Variants in LIPA observed in about 807,000 individuals in gnomAD.
LIPA encodes lipase A, lysosomal acid type.
In LIPA, 26 loss-of-function variants were observed where a neutral mutation model predicts 40.6. The observed-to-expected ratio is 0.64, with a 90% CI of 0.47 to 0.89. The LOEUF is 0.89. LIPA is among the 40% of genes least tolerant of loss of function. The pLI, the probability that LIPA is intolerant of heterozygous loss-of-function variation, is 0.00. For missense variants in LIPA, 455 were observed against 479.6 expected (o/e 0.95, Z 0.48); for synonymous variants, 188 against 168.4 (o/e 1.12, Z -0.90).
At chr10:89,403,101 A>C in intron 2 of LIPA, 1 of 1,614,220 alleles carries the variant, frequency 6.2e-7, no homozygotes. Flanking sequence ...GTTATTAAAA[A>C]AGGCCTTGCA....
At chr10:89,313,027 T>A (rs1026467772) in intron 1 of LIPA, among the ~76,000 whole-genome samples, 3 of 152,202 alleles carry the variant, frequency 2.0e-5, no homozygotes, top group African/African-American at 7.2e-5. Context: ...CACTTTTGTG[T>A]GTAGTCCAGC....
At chr10:89,400,744 G>A (rs1384262229) in intron 2 of LIPA, among the ~76,000 whole-genome samples, 1 of 152,172 alleles carries the variant, frequency 6.6e-6, no homozygotes, top group Admixed American at 6.5e-5. Flanking sequence ...CAACTTGGAT[G>A]TCTTGTATTT....
intron 1 of LIPA, among the ~76,000 whole-genome samples, chr10:89,334,558 C>T (rs12259713): frequency 0.068 from 7,805 of 114,046 alleles, 497 homozygotes; most frequent in African/African-American, 0.22. Flanking sequence ...TGTAGTGGCC[C>T]GATCTTGGCT....
intron 2 of LIPA, among the ~76,000 whole-genome samples, chr10:89,407,805 G>A (rs959021009): frequency 1.3e-5 from 2 of 152,120 alleles, no homozygotes; most frequent in Non-Finnish European, 2.9e-5. Context: ...TGTGGTCTAG[G>A]AGGACAGGCA....
intron 7 of LIPA, 104 bp downstream of exon 7, chr10:89,223,580 T>C (rs1015773249): frequency 1.0e-6 from 1 of 982,078 alleles, no homozygotes; most frequent in African/African-American, 1.6e-5. Context: ...AAAGACTCTT[T>C]AGAGTTCTGA....
rs372118641 is a variant in LIPA at position 89,335,932 on chromosome 10, C to T, written c.-2+6679G>A. On this transcript the variant is annotated intron_variant, in intron 1 of 5. Transcript: ENST00000282673. ...AAATAATTGCTAACTTGACTTTTGA[C>T]TTGTAGTCCTTCATACAGGGTAGTT... is the stretch of plus-strand genomic sequence containing the variant. 4.1e-4 allele frequency among the ~76,000 whole-genome samples: 63 copies of T among 152,214 alleles called. No homozygotes were observed. The East Asian group carries it at 6.8e-3, about 16-fold the overall frequency.
intron 1 of LIPA, among the ~76,000 whole-genome samples, chr10:89,257,042 A>C (rs1002986052): frequency 2.0e-5 from 3 of 152,250 alleles, no homozygotes; most frequent in Admixed American, 2.0e-4. Flanking sequence ...GGAAGTTTTT[A>C]AAGGCAAAAT....
Position 89,274,576 on chromosome 10 carries a change from T to C in LIPA, c.-1-26927A>G, listed in dbSNP as rs368511822. ...GATTTGATTAAAATATAAAGGATTT[T>C]TTTGGAAAATGCTTTTGACTGATGT... On this transcript the variant is annotated intron_variant, in intron 1 of 5. Coordinates refer to the LIPA transcript ENST00000282673. Among the ~76,000 whole-genome samples, 8 of 152,238 alleles carry C rather than the reference T, an allele frequency of 5.3e-5. 1 individual carries two copies. The East Asian group carries it at 1.5e-3, about 29-fold the overall frequency.
At chr10:89,234,477 A>T (rs964047477) in intron 3 of LIPA, among the ~76,000 whole-genome samples, 8 of 152,260 alleles carry the variant, frequency 5.3e-5, no homozygotes, top group African/African-American at 1.9e-4. Flanking sequence ...CAGCAAAGAA[A>T]ATAGTATCGA....
At chr10:89,399,864 A>ACT (rs200034872) in intron 2 of LIPA, among the ~76,000 whole-genome samples, 15 of 151,308 alleles carry the variant, frequency 9.9e-5, no homozygotes, top group Non-Finnish European at 1.9e-4. Context: ...ACCAAAGCTC[A>ACT]CTCTCTCTCT....
chr10:89,330,011 G>A (rs918226145), intron 1 of LIPA, among the ~76,000 whole-genome samples: 9 of 152,208 alleles, frequency 5.9e-5, no homozygotes, highest in African/African-American at 2.2e-4. Context: ...GCCAGGATGA[G>A]CCAGGAGAAG....
At chr10:89,263,892 C>CA (rs1336117283) in intron 1 of LIPA, among the ~76,000 whole-genome samples, 2 of 152,254 alleles carry the variant, frequency 1.3e-5, no homozygotes, top group Admixed American at 1.3e-4. Context: ...GTGGGGTGGG[C>CA]AGCTGCAGGC....
At chr10:89,334,837 C>T (rs1843711107) in intron 1 of LIPA, among the ~76,000 whole-genome samples, 1 of 152,024 alleles carries the variant, frequency 6.6e-6, no homozygotes, top group Non-Finnish European at 1.5e-5. Context: ...TCCCACCTGC[C>T]TGCTTGTATT....
chr10:89,337,022 T>G (rs1174154225), intron 1 of LIPA, among the ~76,000 whole-genome samples: 1 of 152,192 alleles, frequency 6.6e-6, no homozygotes, highest in Non-Finnish European at 1.5e-5. Context: ...ATGAGTCCAT[T>G]TTGTTTGTTT....
intron 1 of LIPA, among the ~76,000 whole-genome samples, chr10:89,249,922 T>C (rs1843090569): frequency 6.6e-6 from 1 of 152,222 alleles, no homozygotes; most frequent in South Asian, 2.1e-4. Flanking sequence ...TGTTTGTTTT[T>C]AGTTTTGTGT....
intron 1 of LIPA, among the ~76,000 whole-genome samples, chr10:89,305,589 C>T (rs975857097): frequency 6.6e-6 from 1 of 152,034 alleles, no homozygotes; most frequent in Non-Finnish European, 1.5e-5. Context: ...GAATGAAGAA[C>T]AGAAACAGCA....
chr10:89,311,538 A>C (rs1029023893), intron 1 of LIPA, among the ~76,000 whole-genome samples: 8 of 151,558 alleles, frequency 5.3e-5, no homozygotes, highest in African/African-American at 1.5e-4. Context: ...AAAAAAAAAA[A>C]AAAAAAACCC....
intron 5 of LIPA, among the ~76,000 whole-genome samples, chr10:89,226,465 C>T (rs1051344668): frequency 6.6e-6 from 1 of 152,196 alleles, no homozygotes; most frequent in Non-Finnish European, 1.5e-5. Context: ...AGTGAACATG[C>T]ATTACTTATA....
intron 1 of LIPA, among the ~76,000 whole-genome samples, chr10:89,261,975 A>G (rs1355767219): frequency 6.6e-6 from 1 of 152,320 alleles, no homozygotes; most frequent in East Asian, 1.9e-4. Flanking sequence ...GGCCTGCTTA[A>G]GATGAAGTCC....
Sources: allele counts gnomAD v4.1 joint callset (sites outside exome capture counted in the v4.1 genomes callset), GRCh38; gene constraint gnomAD v4.1.1; transcripts MANE v1.5; gene names NCBI Gene and HGNC (gene_info 2026-07-23, HGNC 2026-07-21).